COL25A1: variants seen among roughly 807,000 people sequenced by gnomAD.
COL25A1 encodes collagen alpha-1(XXV) chain.
Under a neutral mutation model 128.4 loss-of-function variants are expected in COL25A1, and 103 were observed. The ratio of observed to expected loss-of-function variants is 0.80; its 90% CI spans 0.68 to 0.94. The LOEUF is 0.94. Among genes scored for constraint, COL25A1 ranks in the 40% least tolerant of loss-of-function variants. COL25A1 has a pLI of 0.00. For missense variants in COL25A1, 745 were observed against 840.0 expected, an observed-to-expected ratio of 0.89 and a Z score of 1.40; for synonymous variants, 279 against 277.2, an observed-to-expected ratio of 1.01 and a Z score of -0.06.
chr4:108,901,501 T>C (rs1188777871), intron 13 of COL25A1, among the ~76,000 whole-genome samples: 2 of 151,982 alleles, frequency 1.3e-5, no homozygotes, highest in African/African-American at 4.8e-5. Flanking sequence ...ACTGAAAATA[T>C]AAGACTCTCC....
intron 3 of COL25A1, among the ~76,000 whole-genome samples, chr4:109,242,111 C>T (rs979679286): frequency 1.2e-4 from 18 of 151,854 alleles, no homozygotes; most frequent in African/African-American, 4.1e-4. Flanking sequence ...ATTAGTGTCC[C>T]GAGGCTTTGT....
intron 8 of COL25A1, among the ~76,000 whole-genome samples, chr4:108,961,465 C>T (rs143058446): frequency 1.3e-5 from 2 of 152,238 alleles, no homozygotes; most frequent in East Asian, 3.9e-4. Context: ...CAATCCAAAA[C>T]GTATTATTTT....
At chr4:108,840,626 G>A (rs1258459870) in intron 31 of COL25A1, among the ~76,000 whole-genome samples, 1 of 152,166 alleles carries the variant, frequency 6.6e-6, no homozygotes, top group East Asian at 1.9e-4. Context: ...TCTGGGCTTT[G>A]TGACACCTAG....
chr4:109,192,746 C>A (rs866291042), intron 3 of COL25A1, among the ~76,000 whole-genome samples: 1 of 151,860 alleles, frequency 6.6e-6, no homozygotes, highest in Non-Finnish European at 1.5e-5. Context: ...ACCAGCTACT[C>A]AGAAGGCTGA....
In COL25A1 at chr4:108,852,021, TTC is replaced by T. The variant is rs1199070400; in HGVS notation, c.1389+213_1389+214del. 8.5e-5 allele frequency among the ~76,000 whole-genome samples: 13 copies of T among 152,222 alleles called. No homozygotes were observed. The East Asian group carries it at 2.1e-3, about 25-fold the overall frequency. On this transcript the variant is annotated intron_variant, in intron 26 of 37. Coordinates refer to ENST00000399132, the MANE Select transcript of COL25A1 (RefSeq NM_198721.4). Reference sequence around the variant, plus strand: ...TTTCAATGTCTTCCCTAAATTAAATTTCTCTCTCTTCTTTTCCTATTTTCCCT... The same window carrying T: ...TTTCAATGTCTTCCCTAAATTAAATTTCTCTCTTCTTTTCCTATTTTCCCT...
chr4:109,013,509 C>T (rs894888798), intron 5 of COL25A1, among the ~76,000 whole-genome samples: 2 of 50,496 alleles, frequency 4.0e-5, no homozygotes, highest in Non-Finnish European at 6.1e-5. Flanking sequence ...TTTGTTCTTT[C>T]ACTCTTTGCA....
At chr4:109,265,008 C>CT (rs78526646) in intron 3 of COL25A1, among the ~76,000 whole-genome samples, 35,212 of 151,906 alleles carry the variant, frequency 0.23, 4,832 homozygotes, top group Middle Eastern at 0.3. Context: ...TTTATAATGC[C>CT]TTTTTTTGTA....
intron 8 of COL25A1, among the ~76,000 whole-genome samples, chr4:108,957,754 G>T (rs1330315282): frequency 1.3e-5 from 2 of 152,168 alleles, no homozygotes; most frequent in African/African-American, 2.4e-5. Context: ...TGTCTAAATG[G>T]GTGAAGTGGG....
chr4:109,261,895 C>T (rs945483551), intron 3 of COL25A1, among the ~76,000 whole-genome samples: 5 of 151,652 alleles, frequency 3.3e-5, no homozygotes, highest in Admixed American at 1.3e-4. Flanking sequence ...GACGGGGTTT[C>T]ACTGTGTTAG....
chr4:109,036,148 C>T (rs918565050), intron 5 of COL25A1, among the ~76,000 whole-genome samples: 6 of 151,964 alleles, frequency 3.9e-5, no homozygotes, highest in Admixed American at 1.3e-4. Flanking sequence ...AGGATGGTCT[C>T]GATCTCCTGA....
chr4:108,929,923 C>T (rs1746527388), intron 11 of COL25A1, among the ~76,000 whole-genome samples: 1 of 152,160 alleles, frequency 6.6e-6, no homozygotes, highest in Non-Finnish European at 1.5e-5. Context: ...GGCATAATGA[C>T]ATGACATCAA....
chr4:109,251,546 C>G (rs753838410), intron 3 of COL25A1, among the ~76,000 whole-genome samples: 2 of 152,216 alleles, frequency 1.3e-5, no homozygotes, highest in Non-Finnish European at 1.5e-5. Flanking sequence ...CAGGGTCAGT[C>G]ACCACTGCCA....
intron 3 of COL25A1, among the ~76,000 whole-genome samples, chr4:109,072,006 C>T (rs116646385): frequency 0.12 from 17,535 of 152,054 alleles, 1,279 homozygotes; most frequent in African/African-American, 0.21. Flanking sequence ...CACATTTTGG[C>T]TACTATTAAC....
At chr4:108,820,211 G>T (rs778865562) in intron 35 of COL25A1, among the ~76,000 whole-genome samples, 3 of 152,152 alleles carry the variant, frequency 2.0e-5, no homozygotes, top group Non-Finnish European at 4.4e-5. Context: ...GATCCTGTGA[G>T]GATGACAGGT....
intron 3 of COL25A1, among the ~76,000 whole-genome samples, chr4:109,185,466 T>C (rs536516581): frequency 2.0e-5 from 3 of 152,202 alleles, no homozygotes; most frequent in Admixed American, 2.0e-4. Context: ...CAAATTCAGA[T>C]CTGTCTGATT....
rs1208645298 is a variant in COL25A1 at position 108,844,534 on chromosome 4, G to T, written c.1614C>A (p.Gly538=). ...IGPPGPPGPH[G]PPGPMGPHGL... ...GGAAACTTACCATGGGGCCAGGTGG[G>T]CCATGGGGACCTGGTGGGCCTGGTG... The change falls in exon 30 of 38, where the codon GGC becomes GGA. Residue 538 remains glycine, a synonymous_variant. Coordinates refer to ENST00000399132, the MANE Select transcript of COL25A1 (RefSeq NM_198721.4). 2 of 1,613,700 alleles carry T rather than the reference G, an allele frequency of 1.2e-6. No individual in the cohort carries two copies. Among genetic ancestry groups the T allele is most frequent in the African/African-American group, 2.7e-5 (2 of 75,044 alleles).
At chr4:108,832,973 T>TAATAAATAAATAAATAAATAAATACATA (rs70949051) in intron 31 of COL25A1, among the ~76,000 whole-genome samples, 15,087 of 106,014 alleles carry the variant, frequency 0.14, 919 homozygotes, top group African/African-American at 0.16. Context: ...TCTCAAAAAA[T>TAATAAATAAATAAATAAATAAATACATA]AATAAATAAA....
intron 5 of COL25A1, among the ~76,000 whole-genome samples, chr4:109,023,862 T>C (rs1235296675): frequency 6.6e-6 from 1 of 152,218 alleles, no homozygotes; most frequent in African/African-American, 2.4e-5. Flanking sequence ...ACAAGTGTAA[T>C]GCCCTTCTAC....
At chr4:109,240,860 A>G (rs1218743732) in intron 3 of COL25A1, among the ~76,000 whole-genome samples, 1 of 152,116 alleles carries the variant, frequency 6.6e-6, no homozygotes, top group Non-Finnish European at 1.5e-5. Context: ...TAAGTTCAAC[A>G]ATTGTTACTG....
Sources: gnomAD v4.1 joint callset for allele counts (sites outside exome capture counted in the v4.1 genomes callset) on GRCh38, gnomAD v4.1.1 for gene constraint, MANE v1.5 for transcripts, NCBI Gene and HGNC (gene_info 2026-07-23, HGNC 2026-07-21) for gene names.